The following VPS13D variants were observed in gnomAD, a reference collection of about 807,000 sequenced individuals.
The protein encoded by VPS13D is vacuolar protein sorting 13 homolog D.
VPS13D carries 187 observed loss-of-function variants against 461.9 expected under a neutral mutation model. The observed-to-expected ratio is 0.40, with a 90% confidence interval of 0.36 to 0.46. The LOEUF (loss-of-function observed/expected upper bound fraction) is 0.46. Among genes scored for constraint, VPS13D ranks in the 20% least tolerant of loss-of-function variants. VPS13D has a pLI of 0.60. For synonymous variants in VPS13D, 1,951 were observed against 1,986.3 expected (o/e 0.98, Z 0.47); for missense variants, 4,711 against 5,364.9 (o/e 0.88, Z 3.81).
intron 2 of VPS13D, among the ~76,000 whole-genome samples, chr1:12,237,585 A>C (rs1640197828): frequency 6.6e-6 from 1 of 151,530 alleles, no homozygotes; most frequent in Non-Finnish European, 1.5e-5. Context: ...TCGGGAGGCC[A>C]AGGCCAGAGG....
chr1:12,252,884 C>T (rs1304499374), intron 6 of VPS13D, among the ~76,000 whole-genome samples: 1 of 149,250 alleles, frequency 6.7e-6, no homozygotes, highest in Non-Finnish European at 1.5e-5. Context: ...CAGGACTGGG[C>T]GTGGTGGCTC....
intron 20 of VPS13D, among the ~76,000 whole-genome samples, chr1:12,280,940 A>G (rs969117218): frequency 2.0e-5 from 3 of 151,002 alleles, no homozygotes; most frequent in African/African-American, 7.4e-5. Flanking sequence ...TTAATAATTT[A>G]ATTTTTTAAA....
At chr1:12,412,635 A>G (rs1257649528) in intron 63 of VPS13D, among the ~76,000 whole-genome samples, 1 of 152,246 alleles carries the variant, frequency 6.6e-6, no homozygotes, top group Non-Finnish European at 1.5e-5. Flanking sequence ...TACCGTACAT[A>G]AAAATAAATT....
At chr1:12,432,625 T>A (rs1358854134) in intron 65 of VPS13D, among the ~76,000 whole-genome samples, 1 of 151,168 alleles carries the variant, frequency 6.6e-6, no homozygotes, top group African/African-American at 2.4e-5. Flanking sequence ...TTTTTTTTTT[T>A]AAGACAGTCT....
At chr1:12,417,117 A>G (rs747998360) in intron 65 of VPS13D, among the ~76,000 whole-genome samples, 2 of 152,044 alleles carry the variant, frequency 1.3e-5, no homozygotes, top group Non-Finnish European at 2.9e-5. Context: ...ACCTTTCACG[A>G]TGACCCCTAC....
intron 26 of VPS13D, among the ~76,000 whole-genome samples, chr1:12,305,183 T>C (rs1642527911): frequency 6.6e-6 from 1 of 152,208 alleles, no homozygotes; most frequent in Admixed American, 6.5e-5. Context: ...TTAAAAGACA[T>C]GAACCATCTG....
In VPS13D at chr1:12,354,147, C is replaced by A; in HGVS notation, c.9605C>A (p.Pro3202Gln). The A allele has an allele frequency of 1.2e-6, 2 of 1,614,090 alleles. No homozygotes were observed. The highest frequency in any genetic ancestry group is 1.7e-6 in the Non-Finnish European group (2 of 1,180,016). ...CTTGATTTTTATGTTAAAGGAATGCCAATTAATGGGACGCTGAAACCTGGC... is the reference window on the plus strand; with the variant it reads ...CTTGATTTTTATGTTAAAGGAATGCAAATTAATGGGACGCTGAAACCTGGC... ...CELDFYVKGM[P>Q]INGTLKPGKE... The change falls in exon 47 of 70, where the codon CCA becomes CAA. Residue 3202 changes from proline to glutamine, a missense_variant. By Grantham distance (76) the Pro-to-Gln change is moderately conservative (BLOSUM62 -1). Coordinates refer to ENST00000620676, the MANE Select transcript of VPS13D (RefSeq NM_015378.4).
At chr1:12,443,625 C>T (rs943509067) in intron 65 of VPS13D, among the ~76,000 whole-genome samples, 2 of 151,972 alleles carry the variant, frequency 1.3e-5, no homozygotes, top group African/African-American at 4.8e-5. Flanking sequence ...CTGTTATTGT[C>T]ATGTATTTTA....
rs1645974944 is a variant in VPS13D at position 12,497,441 on chromosome 1, G to A, written c.12663-59G>A. The stretch of plus-strand genomic sequence containing the variant: ...GAGTGCTTTTGTCTTAGTGAGAAAG[G>A]AAAATCATTTTAACCTGCACACTTA... On this transcript the variant is annotated intron_variant, in intron 67 of 69. Transcript: ENST00000620676. The A allele has an allele frequency of 1.5e-5, 23 of 1,551,568 alleles. 1 individual carries two copies. In the South Asian group the frequency reaches 2.4e-4, roughly 16 times the overall value.
chr1:12,415,060 A>G (rs753523564), intron 63 of VPS13D, 27 bp from the exon 64 acceptor site: 10 of 1,612,594 alleles, frequency 6.2e-6, no homozygotes, highest in Non-Finnish European at 8.5e-6. Flanking sequence ...TGACTTAAGT[A>G]TGTCATTTCC....
chr1:12,263,631 A>G (rs770708918), intron 13 of VPS13D, among the ~76,000 whole-genome samples: 2 of 152,202 alleles, frequency 1.3e-5, no homozygotes, highest in African/African-American at 2.4e-5. Flanking sequence ...ACATCTCACA[A>G]ATATTTTTAT....
At position 12,384,417 on chromosome 1, in the gene VPS13D, T is replaced by G. The variant is rs144515751; in HGVS notation, c.11371-843T>G. Among the ~76,000 whole-genome samples, 611 of 152,258 alleles carry G rather than the reference T, an allele frequency of 4.0e-3. 5 individuals are homozygous for G. The highest frequency in any genetic ancestry group is 2.5e-3 in the Non-Finnish European group (171 of 68,010). On this transcript the variant is annotated intron_variant, in intron 58 of 69. Transcript: ENST00000620676. The stretch of plus-strand genomic sequence containing the variant: ...GGGAGGAGTTAGGTTTTGGACTTGT[T>G]GAGTTAAGGTAACTGTGTGATATCT...
intron 65 of VPS13D, among the ~76,000 whole-genome samples, chr1:12,439,436 C>G (rs925486322): frequency 2.6e-5 from 4 of 151,756 alleles, no homozygotes; most frequent in African/African-American, 9.7e-5. Flanking sequence ...CATCCCCTCC[C>G]CCATCTAAAA....
At chr1:12,269,153 T>C (rs1457801991) in intron 16 of VPS13D, among the ~76,000 whole-genome samples, 1 of 152,218 alleles carries the variant, frequency 6.6e-6, no homozygotes, top group South Asian at 2.1e-4. Flanking sequence ...TTTTTTCCCA[T>C]TTTTATTTCA....
chr1:12,458,055 A>C (rs927075828), intron 66 of VPS13D, among the ~76,000 whole-genome samples: 1 of 152,208 alleles, frequency 6.6e-6, no homozygotes, highest in Admixed American at 6.5e-5. Context: ...GAACACACAA[A>C]TGTGCTGAGA....
Position 12,401,591 on chromosome 1 carries a change from A to G in VPS13D, c.11785-17A>G, listed in dbSNP as rs752213086. The G allele has an allele frequency of 6.9e-6, 11 of 1,596,508 alleles. No homozygotes were observed. Among genetic ancestry groups the G allele is most frequent in the African/African-American group, 1.3e-5 (1 of 74,636 alleles). On this transcript the variant is annotated splice_polypyrimidine_tract_variant and intron_variant, in intron 61 of 69. Transcript: ENST00000620676. The stretch of plus-strand genomic sequence containing the variant: ...TTCTGGTGTTCACACTTTAAATCAG[A>G]ATTTCTTTATCTCTAGCATCTGATG...
At chr1:12,431,582 C>T (rs1262973907) in intron 65 of VPS13D, among the ~76,000 whole-genome samples, 1 of 151,562 alleles carries the variant, frequency 6.6e-6, no homozygotes, top group Non-Finnish European at 1.5e-5. Flanking sequence ...TATTTTTTAT[C>T]CATTTGTGTG....
rs1374330730 is a variant in VPS13D at position 12,354,132 on chromosome 1, A to G, written c.9590A>G (p.Tyr3197Cys). 2 of 1,614,086 alleles carry G rather than the reference A, an allele frequency of 1.2e-6. No individual in the cohort carries two copies. The highest frequency in any genetic ancestry group is 1.3e-5 in the African/African-American group (1 of 74,928). The change falls in exon 47 of 70, where the codon TAT becomes TGT. Residue 3197 changes from tyrosine (Y) to cysteine (C), a missense_variant. Transcript: ENST00000620676. The part of the protein sequence containing the change: ...CNLLPCELDF[Y>C]VKGMPINGTL... ...TTGCTACCCTGTGAACTTGATTTTTATGTTAAAGGAATGCCAATTAATGGG... is the reference window on the plus strand; with the variant it reads ...TTGCTACCCTGTGAACTTGATTTTTGTGTTAAAGGAATGCCAATTAATGGG...
At position 12,373,821 on chromosome 1, in the gene VPS13D, T is replaced by A. The variant is rs761614552; in HGVS notation, c.10880T>A (p.Val3627Asp). ...ACCTGTGCGGAGCTCGTTTTGGATGTCTCACCCAAGACACAAAGAGTCATT... is the reference window on the plus strand; with the variant it reads ...ACCTGTGCGGAGCTCGTTTTGGATGACTCACCCAAGACACAAAGAGTCATT... ...AITCAELVLD[V>D]SPKTQRVILK... Residue 3627 changes from valine to aspartate, a missense_variant, in exon 55 of 70, where the codon GTC becomes GAC. Val to Asp is a radical substitution (Grantham distance 152). This residue lies in a region of VPS13D where 4,411 missense variants were observed against 4,937.8 expected (regional missense o/e 0.89). Transcript: ENST00000620676. 1 of 1,607,190 alleles carries A rather than the reference T, an allele frequency of 6.2e-7. No homozygotes were observed. Among genetic ancestry groups the A allele is most frequent in the South Asian group, 1.1e-5 (1 of 90,638 alleles).
Sources: gnomAD v4.1 joint callset for allele counts (sites outside exome capture counted in the v4.1 genomes callset) on GRCh38, gnomAD v4.1.1 for gene constraint, gnomAD v4.1.1 regional missense constraint, MANE v1.5 for transcripts, NCBI Gene and HGNC (gene_info 2026-07-23, HGNC 2026-07-21) for gene names.